GRAMD2A: variants seen among roughly 807,000 people sequenced by gnomAD.
GRAMD2A encodes the protein GRAM domain containing 2A.
A neutral mutation model predicts 51.1 loss-of-function variants in GRAMD2A; 37 were observed. The observed-to-expected ratio is 0.72, with a 90% CI of 0.56 to 0.95. GRAMD2A has a LOEUF of 0.95. Ranked by LOEUF, GRAMD2A falls within the 40% of genes least tolerant of loss-of-function variation. The pLI, the probability that GRAMD2A is intolerant of heterozygous loss-of-function variation, is 0.00. For synonymous variants in GRAMD2A, 136 were observed against 157.1 expected, an observed-to-expected ratio of 0.87 and a Z score of 1.01; for missense variants, 414 against 426.9, an observed-to-expected ratio of 0.97 and a Z score of 0.27.
intron 7 of GRAMD2A, among the ~76,000 whole-genome samples, chr15:72,165,899 G>A (rs951521563): frequency 6.6e-6 from 1 of 150,720 alleles, no homozygotes; most frequent in African/African-American, 2.4e-5. Flanking sequence ...ATGGAGTCTT[G>A]CTCTTGTCAC....
At chr15:72,175,738 A>T (rs1205499300) in intron 1 of GRAMD2A, 1 of 152,194 alleles carries the variant, frequency 6.6e-6, no homozygotes, top group Non-Finnish European at 1.5e-5. Context: ...CTGTTTACAC[A>T]TCTGTGTCCC....
chr15:72,168,912 T>A lies in GRAMD2A; in HGVS notation c.192+27A>T, dbSNP rs570503418. ...AGCCCAGGACCCCTTCCTGGGTGAATAGTGAGAAGTCAGCCTCCAGACTTA... is the reference window on the plus strand; with the variant it reads ...AGCCCAGGACCCCTTCCTGGGTGAAAAGTGAGAAGTCAGCCTCCAGACTTA... On this transcript the variant is annotated intron_variant, in intron 3 of 11. Coordinates refer to ENST00000309731, the MANE Select transcript of GRAMD2A (RefSeq NM_001012642.3). The A allele has an allele frequency of 1.6e-5, 25 of 1,607,460 alleles. No individual in the cohort carries two copies. The East Asian group carries it at 5.4e-4, about 34-fold the overall frequency.
In GRAMD2A at chr15:72,162,351, G is replaced by A; in HGVS notation, c.983C>T (p.Ser328Phe). 3.1e-6 allele frequency: 5 copies of A among 1,613,962 alleles called. No homozygotes were observed. The highest frequency in any genetic ancestry group is 1.3e-5 in the African/African-American group (1 of 75,052). ...CCGAGAAATACGGAACGCCAGGTAG[G>A]ATGAGGACATGACCAGGAAGCAGAT... is the stretch of plus-strand genomic sequence containing the variant. ...VLICFLVMSS[S>F]YLAFRISRLE... The change falls in exon 11 of 12, where the codon TCC (serine) becomes TTC (phenylalanine). Residue 328 changes from serine to phenylalanine, a missense_variant. Ser to Phe is a radical substitution (Grantham distance 155). Coordinates refer to ENST00000309731, the MANE Select transcript of GRAMD2A (RefSeq NM_001012642.3).
At chr15:72,191,268 C>T (rs2081766025) in intron 1 of GRAMD2A, among the ~76,000 whole-genome samples, 2 of 151,752 alleles carry the variant, frequency 1.3e-5, no homozygotes, top group Non-Finnish European at 2.9e-5. Flanking sequence ...GGTGTGATCT[C>T]AGCTCAATGC....
In GRAMD2A at chr15:72,159,995, G is replaced by C. The variant is rs1183690955; in HGVS notation, c.*2014C>G. ...AAAGCACAGTGGCCCCAGAGGACCAGGCAGGGGGACAACAGAGAGAAACAG... is the reference window on the plus strand; with the variant it reads ...AAAGCACAGTGGCCCCAGAGGACCACGCAGGGGGACAACAGAGAGAAACAG... On this transcript the variant is annotated 3_prime_UTR_variant, in exon 12 of 12. Transcript: ENST00000309731. The C allele has an allele frequency of 6.6e-6, 1 of 152,258 alleles. No individual in the cohort carries two copies. Among genetic ancestry groups the C allele is most frequent in the Non-Finnish European group, 1.5e-5 (1 of 68,144 alleles). The allele number at this position is 152,258 out of a possible 1,614,324, so 9.4% of individuals were successfully genotyped here.
intron 1 of GRAMD2A, among the ~76,000 whole-genome samples, chr15:72,184,799 G>A (rs776015589): frequency 1.1e-4 from 16 of 152,212 alleles, no homozygotes; most frequent in Non-Finnish European, 2.1e-4. Context: ...ACCGCACACA[G>A]GAGAGAAAAA....
chr15:72,185,635 A>C (rs2081730247), intron 1 of GRAMD2A, among the ~76,000 whole-genome samples: 1 of 152,276 alleles, frequency 6.6e-6, no homozygotes, highest in Admixed American at 6.5e-5. Flanking sequence ...GCCTTACCAG[A>C]TGTCAGAACA....
chr15:72,174,225 G>A (rs1296673024), intron 1 of GRAMD2A, among the ~76,000 whole-genome samples: 1 of 152,184 alleles, frequency 6.6e-6, no homozygotes, highest in Non-Finnish European at 1.5e-5. Flanking sequence ...GTACAGGGCA[G>A]ACTGGTCACT....
intron 1 of GRAMD2A, among the ~76,000 whole-genome samples, chr15:72,182,867 A>G (rs2081706970): frequency 6.6e-6 from 1 of 152,156 alleles, no homozygotes; most frequent in East Asian, 1.9e-4. Flanking sequence ...AAGATTGCAC[A>G]ACAACGTGAA....
At position 72,162,290 on chromosome 15, in the gene GRAMD2A, G is replaced by T; in HGVS notation, c.1044C>A (p.Asp348Glu). Residue 348 changes from aspartate (D) to glutamate (E), a missense_variant, in exon 11 of 12, where the codon GAC (aspartate) becomes GAA (glutamate). Transcript: ENST00000309731. ...EQQLCSLSWD[D>E]PVPGHR is the part of the protein sequence containing the mutation. ...GGCCTCACCTGTGCCCAGGGACTGG[G>T]TCATCCCAACTCAAGGAGCATAACT... is the stretch of plus-strand genomic sequence containing the variant. The T allele has an allele frequency of 2.5e-6, 4 of 1,613,254 alleles. No homozygotes were observed. Among genetic ancestry groups the T allele is most frequent in the South Asian group, 1.1e-5 (1 of 91,066 alleles).
Position 72,197,764 on chromosome 15 carries a change from G to T in GRAMD2A, c.8C>A (p.Ala3Asp), listed in dbSNP as rs1449856546. Residue 3 changes from alanine (A) to aspartate (D), a missense_variant, in exon 1 of 12, where the codon GCT (alanine) becomes GAT (aspartate). By Grantham distance (126) the Ala-to-Asp change is moderately radical. Coordinates refer to ENST00000309731, the MANE Select transcript of GRAMD2A (RefSeq NM_001012642.3). ...CTCGGTGGCCTCGCTCCGGCTTAAA[G>T]CGGTCATCCCGGCGCCTGCACCCAG... The part of the protein sequence containing the change: MT[A>D]LSRSEATEEG... 2 of 1,321,914 alleles carry T rather than the reference G, an allele frequency of 1.5e-6. No homozygotes were observed. Among genetic ancestry groups the T allele is most frequent in the Non-Finnish European group, 9.7e-7 (1 of 1,028,080 alleles). 81.9% of individuals were successfully genotyped at this position (1,321,914 alleles called of 1,614,324 possible).
At chr15:72,191,882 A>C (rs934079146) in intron 1 of GRAMD2A, among the ~76,000 whole-genome samples, 7 of 152,222 alleles carry the variant, frequency 4.6e-5, no homozygotes, top group Non-Finnish European at 8.8e-5. Context: ...AAAGATATAG[A>C]GATTCAAAAT....
rs1454925857 is a variant in GRAMD2A at position 72,166,226 on chromosome 15, C to T, written c.543+406G>A. Among the ~76,000 whole-genome samples, 2 of 152,234 alleles carry T rather than the reference C, an allele frequency of 1.3e-5. No homozygotes were observed. Among genetic ancestry groups the T allele is most frequent in the Admixed American group, 1.3e-4 (2 of 15,282 alleles). ...ACACTTTATTATAAAACAGGCTTTG[C>T]CTGAGATGCTTTTGCCCAGCTCTAG... On this transcript the variant is annotated intron_variant, in intron 7 of 11. Transcript: ENST00000309731. This position sits in a 1 kb window ranked among gnomAD's most constrained non-coding sequence, Gnocchi z 4.1.
At position 72,168,971 on chromosome 15, in the gene GRAMD2A, C is replaced by T. The variant is rs2081579425; in HGVS notation, c.160G>A (p.Gly54Ser). The stretch of plus-strand genomic sequence containing the variant: ...CGGCCACACTTCTTTATCTCTTCAC[C>T]CTTCAAGCCTTCTGGCCAGTGCAGA... ...YSLHWPEGLK[G>S]EEIKKCGREG... The change falls in exon 3 of 12, where the codon GGT (glycine) becomes AGT (serine). Residue 54 changes from glycine (G) to serine (S), a missense_variant. Gly to Ser is a moderately conservative substitution (Grantham distance 56). Transcript: ENST00000309731. The T allele has an allele frequency of 6.2e-7, 1 of 1,614,202 alleles. No homozygotes were observed. The highest frequency in any genetic ancestry group is 8.5e-7 in the Non-Finnish European group (1 of 1,180,008).
At position 72,196,771 on chromosome 15, in the gene GRAMD2A, C is replaced by T. The variant is rs118011688; in HGVS notation, c.41+960G>A. On this transcript the variant is annotated intron_variant, in intron 1 of 11. Transcript: ENST00000309731. The stretch of plus-strand genomic sequence containing the variant: ...CAAGCATAGTGAGTGGGGCGGCAAG[C>T]AGAGCAGAGACACAGACGACAGCGG... 4.0e-3 allele frequency among the ~76,000 whole-genome samples: 616 copies of T among 152,224 alleles called. 25 individuals are homozygous for T. The highest frequency in any genetic ancestry group is 0.036 in the Admixed American group (543 of 15,294).
intron 1 of GRAMD2A, among the ~76,000 whole-genome samples, chr15:72,185,971 C>A (rs1049976610): frequency 2.0e-5 from 3 of 152,102 alleles, no homozygotes; most frequent in African/African-American, 7.2e-5. Flanking sequence ...ATATAAAACC[C>A]AGAACACATA....
chr15:72,181,209 G>A (rs1031265560), intron 1 of GRAMD2A, among the ~76,000 whole-genome samples: 5 of 152,214 alleles, frequency 3.3e-5, no homozygotes, highest in Non-Finnish European at 7.3e-5. Context: ...GGGTTGGCAG[G>A]GCCAGATCAT....
chr15:72,192,983 G>A (rs949950132), intron 1 of GRAMD2A, among the ~76,000 whole-genome samples: 6 of 151,870 alleles, frequency 4.0e-5, no homozygotes, highest in Non-Finnish European at 8.8e-5. Flanking sequence ...AAAATTAGTC[G>A]GGCGTGGTGG....
At position 72,166,834 on chromosome 15, in the gene GRAMD2A, T is replaced by G; in HGVS notation, c.472-131A>C. On this transcript the variant is annotated intron_variant, in intron 6 of 11. Coordinates refer to ENST00000309731, the MANE Select transcript of GRAMD2A (RefSeq NM_001012642.3). The surrounding 1 kb of genome is among the most constrained non-coding windows in gnomAD (Gnocchi z 4.1). ...CATGAGAGCCAACAGAAGCTCTGCC[T>G]AGGAACTTCTCTTCCAGCTTGTTGT... The G allele has an allele frequency of 3.2e-6, 3 of 947,732 alleles. No individual in the cohort carries two copies. Among genetic ancestry groups the G allele is most frequent in the Non-Finnish European group, 5.0e-6 (3 of 595,204 alleles). The allele number at this position is 947,732 out of a possible 1,614,324, so 58.7% of individuals were successfully genotyped here.
Sources: allele counts gnomAD v4.1 joint callset (sites outside exome capture counted in the v4.1 genomes callset), GRCh38; gene constraint gnomAD v4.1.1; non-coding constraint Gnocchi (gnomAD v3.1); transcripts MANE v1.5; gene names NCBI Gene and HGNC (gene_info 2026-07-23, HGNC 2026-07-21).